DNMT3L: variants seen among roughly 807,000 people sequenced by gnomAD.
The protein encoded by DNMT3L is DNA (cytosine-5)-methyltransferase 3-like.
DNMT3L carries 33 observed loss-of-function variants against 36.2 expected under a neutral mutation model. The observed-to-expected ratio is 0.91, with a 90% confidence interval of 0.69 to 1.22. The LOEUF (loss-of-function observed/expected upper bound fraction) is 1.22, where lower values mean the gene tolerates loss of function less well. Ranked by LOEUF, DNMT3L falls within the 50% of genes most tolerant of loss-of-function variation. DNMT3L has a pLI of 0.00. For synonymous variants in DNMT3L, 117 were observed against 121.7 expected (o/e 0.96, Z 0.26); for missense variants, 310 against 303.1 (o/e 1.02, Z -0.17).
In DNMT3L at chr21:44,256,086, AAGGGAC is replaced by A; in HGVS notation, c.579_584del (p.Ser194_Leu195del). On this transcript the variant is annotated inframe_deletion, in exon 7 of 12. Transcript: ENST00000628202. ...ACTCACCTTTCTTGATGTCTTCAAA[AAGGGAC>A]AGCACCCGGACTGGCTGTCTCCTCC... is the stretch of plus-strand genomic sequence containing the variant. 6.2e-7 allele frequency: 1 copy of A among 1,613,974 alleles called. No individual in the cohort carries two copies.
In DNMT3L at chr21:44,258,337, G is replaced by C. The variant is rs2040281597; in HGVS notation, c.516+186C>G. ...GCTTGGAAGCAACAAAACTGCCAAA[G>C]CAGTTTACCCAAAGCCACCATCGAG... On this transcript the variant is annotated intron_variant, in intron 6 of 11. Transcript: ENST00000628202. This position sits in a 1 kb window ranked among gnomAD's most constrained non-coding sequence, Gnocchi z 6.2. Among the ~76,000 whole-genome samples the C allele has an allele frequency of 1.3e-5, 2 of 152,348 alleles. No homozygotes were observed. Among genetic ancestry groups the C allele is most frequent in the African/African-American group, 2.4e-5 (1 of 41,576 alleles).
At position 44,258,727 on chromosome 21, in the gene DNMT3L, A is replaced by C. The variant is rs1205719529; in HGVS notation, c.345-33T>G. Reference sequence around the variant, plus strand: ...CAGACAGAAAACCACAGCAGCGGACATGACAGCCCACCTCTCCTGAGGATG... The same window carrying C: ...CAGACAGAAAACCACAGCAGCGGACCTGACAGCCCACCTCTCCTGAGGATG... On this transcript the variant is annotated intron_variant, in intron 5 of 11. Transcript: ENST00000628202. This position sits in a 1 kb window ranked among gnomAD's most constrained non-coding sequence, Gnocchi z 6.2. 3.1e-6 allele frequency: 5 copies of C among 1,602,652 alleles called. No individual in the cohort carries two copies. Among genetic ancestry groups the C allele is most frequent in the Non-Finnish European group, 4.3e-6 (5 of 1,172,794 alleles).
intron 6 of DNMT3L, among the ~76,000 whole-genome samples, chr21:44,257,091 C>A (rs1037171429): frequency 2.0e-5 from 3 of 152,208 alleles, no homozygotes; most frequent in Non-Finnish European, 4.4e-5. Context: ...TTAAAACAGA[C>A]TGGAGGGGCT....
intron 7 of DNMT3L, among the ~76,000 whole-genome samples, chr21:44,255,822 C>T (rs2040253465): frequency 6.6e-6 from 1 of 152,240 alleles, no homozygotes; most frequent in Non-Finnish European, 1.5e-5. Context: ...GGACACATCC[C>T]TAACGGCCAG....
At chr21:44,254,520 T>G in intron 8 of DNMT3L, 97 bp downstream of exon 8, 2 of 1,394,734 alleles carry the variant, frequency 1.4e-6, no homozygotes, top group Non-Finnish European at 2.0e-6. Flanking sequence ...CAGCCCCTGC[T>G]GCCGCCTCCT....
Position 44,261,223 on chromosome 21 carries a change from G to T in DNMT3L, c.37C>A (p.Pro13Thr). Residue 13 changes from proline (P) to threonine (T), a missense_variant, in exon 2 of 12, where the codon CCC (proline) becomes ACC (threonine). Physicochemically the swap from Pro to Thr is conservative, Grantham distance 38. Coordinates refer to ENST00000628202, the MANE Select transcript of DNMT3L (RefSeq NM_175867.3). ...AIPALDPEAE[P>T]SMDVILVGSS... ...CCCACCAAAATCACGTCCATGCTGG[G>T]CTCGGCCTCTGGGTCCAGGGCTGGG... The T allele has an allele frequency of 6.2e-7, 1 of 1,612,672 alleles. No individual in the cohort carries two copies. Among genetic ancestry groups the T allele is most frequent in the South Asian group, 1.1e-5 (1 of 91,084 alleles).
chr21:44,253,822 C>T (rs755342359), intron 8 of DNMT3L, among the ~76,000 whole-genome samples: 6 of 152,326 alleles, frequency 3.9e-5, no homozygotes, highest in Middle Eastern at 3.4e-3. Flanking sequence ...TCCCTGGACC[C>T]CCTCAAATCA....
rs138041176 is a variant in DNMT3L at position 44,259,644 on chromosome 21, G to C, written c.219C>G (p.Cys73Trp). Reference sequence around the variant, plus strand: ...CCTCCCTGCCTACCTTACATGGGGCGCAGATCCCTCCCTCAAACAGAGGGT... The same window carrying C: ...CCTCCCTGCCTACCTTACATGGGGCCCAGATCCCTCCCTCAAACAGAGGGT... The part of the protein sequence containing the change: ...TQHPLFEGGI[C>W]APCKDKFLDA... Residue 73 changes from cysteine (C) to tryptophan (W), a missense_variant, in exon 4 of 12, where the codon TGC becomes TGG. Cys to Trp is a radical substitution (Grantham distance 215). Transcript: ENST00000628202. The C allele has an allele frequency of 1.9e-6, 3 of 1,613,028 alleles. No homozygotes were observed. The East Asian group carries it at 6.7e-5, about 36-fold the overall frequency.
At chr21:44,259,859 A>G (rs2040301082) in intron 3 of DNMT3L, 148 bp from the exon 4 acceptor site, 1 of 836,732 alleles carries the variant, frequency 1.2e-6, no homozygotes, top group Non-Finnish European at 1.9e-6. Flanking sequence ...GATGGAACAA[A>G]ATGGAAAGAT....
At chr21:44,254,242 C>T (rs1353071468) in intron 8 of DNMT3L, among the ~76,000 whole-genome samples, 1 of 152,190 alleles carries the variant, frequency 6.6e-6, no homozygotes, top group Non-Finnish European at 1.5e-5. Flanking sequence ...GGGGTTCAGC[C>T]CCTCCTTGCC....
intron 7 of DNMT3L, among the ~76,000 whole-genome samples, chr21:44,255,321 G>A (rs182820485): frequency 5.8e-4 from 88 of 150,452 alleles, no homozygotes; most frequent in African/African-American, 2.0e-3. Context: ...AGGAGTTCAA[G>A]ACCAGCCTGG....
chr21:44,257,248 C>T (rs970552026), intron 6 of DNMT3L, among the ~76,000 whole-genome samples: 2 of 152,050 alleles, frequency 1.3e-5, no homozygotes, highest in East Asian at 1.9e-4. Context: ...GTGTGGCGGT[C>T]GGTGCCTGTA....
In DNMT3L at chr21:44,259,362, A is replaced by G. The variant is rs2040294519; in HGVS notation, c.344+75T>C. The stretch of plus-strand genomic sequence containing the variant: ...CCATTTGGGAAGAAAATCCACCCAC[A>G]CTCCAGAATGAGTAGCTGAAAGGAT... On this transcript the variant is annotated intron_variant, in intron 5 of 11. Transcript: ENST00000628202. The G allele has an allele frequency of 2.1e-5, 30 of 1,460,426 alleles. No individual in the cohort carries two copies. In the South Asian group the frequency reaches 3.2e-4, roughly 15 times the overall value. The allele number at this position is 1,460,426 out of a possible 1,614,324, so 90.5% of individuals were successfully genotyped here.
At chr21:44,259,226 C>T (rs964430682) in intron 5 of DNMT3L, among the ~76,000 whole-genome samples, 1 of 152,178 alleles carries the variant, frequency 6.6e-6, no homozygotes, top group African/African-American at 2.4e-5. Flanking sequence ...AATATCAACA[C>T]CGAAAAGAAA....
At chr21:44,259,155 C>T (rs889962268) in intron 5 of DNMT3L, among the ~76,000 whole-genome samples, 1 of 152,114 alleles carries the variant, frequency 6.6e-6, no homozygotes, top group Non-Finnish European at 1.5e-5. Context: ...CTTGTCACCC[C>T]GGTCATGACT....
intron 2 of DNMT3L, 76 bp from the exon 3 acceptor site, chr21:44,260,915 ATCACAATTCGTTTTCCAAAG>A: frequency 6.2e-7 from 1 of 1,607,034 alleles, no homozygotes; most frequent in Non-Finnish European, 8.5e-7. Flanking sequence ...GGAAGTGAGC[ATCACAATTCGTTTTCCAAAG>A]TCACAGGAGC....
intron 5 of DNMT3L, 39 bp downstream of exon 5, chr21:44,259,398 T>C: frequency 1.2e-6 from 2 of 1,600,298 alleles, no homozygotes; most frequent in Non-Finnish European, 1.7e-6. Context: ...GGGTGTGTCC[T>C]CAGCCCCTTC....
At position 44,259,657 on chromosome 21, in the gene DNMT3L, T is replaced by G. The variant is rs751262498; in HGVS notation, c.206A>C (p.Glu69Ala). 6.2e-7 allele frequency: 1 copy of G among 1,613,144 alleles called. No individual in the cohort carries two copies. Among genetic ancestry groups the G allele is most frequent in the South Asian group, 1.1e-5 (1 of 90,944 alleles). Residue 69 changes from glutamate (E) to alanine (A), a missense_variant, in exon 4 of 12, where the codon GAG becomes GCG. Physicochemically the swap from Glu to Ala is moderately radical, Grantham distance 107 (BLOSUM62 -1). Coordinates refer to ENST00000628202, the MANE Select transcript of DNMT3L (RefSeq NM_175867.3). Reference protein sequence around the residue: ...LQVHTQHPLFEGGICAPCKDK... With the variant: ...LQVHTQHPLFAGGICAPCKDK... ...CTTACATGGGGCGCAGATCCCTCCCTCAAACAGAGGGTGCTGTGTGTGAAC... is the reference window on the plus strand; with the variant it reads ...CTTACATGGGGCGCAGATCCCTCCCGCAAACAGAGGGTGCTGTGTGTGAAC...
At chr21:44,261,397 T>G in intron 1 of DNMT3L, 131 bp from the exon 2 acceptor site, 93 of 727,304 alleles carry the variant, frequency 1.3e-4, no homozygotes, top group Middle Eastern at 4.1e-4. Flanking sequence ...ACCCCCGCGG[T>G]GACACCCACC....
Sources: allele counts gnomAD v4.1 joint callset (sites outside exome capture counted in the v4.1 genomes callset), GRCh38; gene constraint gnomAD v4.1.1; non-coding constraint Gnocchi (gnomAD v3.1); transcripts MANE v1.5; gene names NCBI Gene and HGNC (gene_info 2026-07-23, HGNC 2026-07-21).